The following ILKAP variants were observed in gnomAD, a reference collection of about 807,000 sequenced individuals.
ILKAP encodes the protein integrin-linked kinase-associated serine/threonine phosphatase 2C.
Under a neutral mutation model 49.1 loss-of-function variants are expected in ILKAP, and 11 were observed. The observed-to-expected ratio is 0.22, with a 90% CI of 0.14 to 0.37. ILKAP has a LOEUF of 0.37. Ranked by LOEUF, ILKAP falls within the 10% of genes least tolerant of loss-of-function variation. The pLI is 1.00. For missense variants in ILKAP, 363 were observed against 510.8 expected, an observed-to-expected ratio of 0.71 and a Z score of 2.79; for synonymous variants, 186 against 192.8, an observed-to-expected ratio of 0.96 and a Z score of 0.29.
intron 10 of ILKAP, 58 bp from the exon 11 acceptor site, chr2:238,171,082 A>T: frequency 8.7e-7 from 1 of 1,143,988 alleles, no homozygotes; most frequent in South Asian, 1.4e-5. Context: ...AATAAAAAAT[A>T]AAAAAAGGGC....
intron 9 of ILKAP, among the ~76,000 whole-genome samples, chr2:238,179,970 C>T (rs894340210): frequency 1.3e-5 from 2 of 151,972 alleles, no homozygotes; most frequent in Non-Finnish European, 2.9e-5. Flanking sequence ...GATCACTTAG[C>T]TCAGCCTGGA....
chr2:238,189,759 A>G, intron 4 of ILKAP, 94 bp downstream of exon 4: 1 of 1,205,204 alleles, frequency 8.3e-7, no homozygotes, highest in South Asian at 1.4e-5. Context: ...ACAGACATAA[A>G]AAGAAAGTAT....
intron 3 of ILKAP, among the ~76,000 whole-genome samples, chr2:238,192,148 A>G (rs1442217355): frequency 6.6e-6 from 1 of 151,418 alleles, no homozygotes; most frequent in Non-Finnish European, 1.5e-5. Context: ...TAGAGGTTGC[A>G]GTGAGCTGAG....
At chr2:238,186,359 C>G (rs902513845) in intron 5 of ILKAP, 5 of 152,182 alleles carry the variant, frequency 3.3e-5, no homozygotes, top group African/African-American at 1.2e-4. Context: ...CTGAACACGA[C>G]AGCTCACGCC....
At chr2:238,195,609 T>C (rs1694309331) in intron 1 of ILKAP, among the ~76,000 whole-genome samples, 1 of 152,224 alleles carries the variant, frequency 6.6e-6, no homozygotes. Context: ...TGAAATTCTG[T>C]TTAAGCTATT....
chr2:238,179,308 ACT>A, intron 9 of ILKAP, among the ~76,000 whole-genome samples: 1 of 152,316 alleles, frequency 6.6e-6, no homozygotes, highest in Admixed American at 6.5e-5. Flanking sequence ...AAAGGAAAAC[ACT>A]GATTTCCACA....
At chr2:238,177,147 G>C (rs1445009230) in intron 9 of ILKAP, among the ~76,000 whole-genome samples, 2 of 152,138 alleles carry the variant, frequency 1.3e-5, no homozygotes, top group Non-Finnish European at 2.9e-5. Flanking sequence ...ATGTAAGAAA[G>C]TAGAAAAAAA....
At chr2:238,175,511 G>A (rs529123989) in intron 9 of ILKAP, among the ~76,000 whole-genome samples, 1 of 152,322 alleles carries the variant, frequency 6.6e-6, no homozygotes, top group Non-Finnish European at 1.5e-5. Context: ...TAACGATGAG[G>A]CAAGCTGCCC....
chr2:238,202,752 C>T (rs1694621907), intron 1 of ILKAP, among the ~76,000 whole-genome samples: 1 of 152,138 alleles, frequency 6.6e-6, no homozygotes, highest in African/African-American at 2.4e-5. Context: ...CAGGGATTAA[C>T]ACAGGCCCTG....
At chr2:238,193,704 A>C (rs12617118) in intron 3 of ILKAP, among the ~76,000 whole-genome samples, 9,356 of 152,200 alleles carry the variant, frequency 0.061, 645 homozygotes, top group East Asian at 0.16. Context: ...CTGCATACGA[A>C]ATGGGATTAC....
intron 11 of ILKAP, 37 bp downstream of exon 11, chr2:238,170,906 A>G (rs1310551765): frequency 6.3e-7 from 1 of 1,578,468 alleles, no homozygotes; most frequent in Non-Finnish European, 8.7e-7. Flanking sequence ...CTAAGACACA[A>G]TTGGGACAAC....
intron 3 of ILKAP, among the ~76,000 whole-genome samples, 175 bp downstream of exon 3, chr2:238,194,100 A>T (rs546147816): frequency 2.6e-5 from 4 of 152,382 alleles, no homozygotes; most frequent in Admixed American, 6.5e-5. Context: ...AAAGTGATAC[A>T]GTATTATCTT....
intron 3 of ILKAP, among the ~76,000 whole-genome samples, chr2:238,192,237 GA>G (rs985634558): frequency 6.6e-6 from 1 of 151,210 alleles, no homozygotes; most frequent in Non-Finnish European, 1.5e-5. Context: ...AAGAAAAAAA[GA>G]AAAATAATAA....
chr2:238,184,952 C>T (rs576452181), intron 6 of ILKAP, among the ~76,000 whole-genome samples: 106 of 152,212 alleles, frequency 7.0e-4, no homozygotes, highest in African/African-American at 6.7e-4. Flanking sequence ...AACCCAAAGA[C>T]GATTGACAAA....
intron 9 of ILKAP, among the ~76,000 whole-genome samples, chr2:238,174,791 G>A (rs983579586): frequency 2.6e-5 from 4 of 152,210 alleles, no homozygotes; most frequent in Admixed American, 2.6e-4. Context: ...AAGAGCTGAG[G>A]ACTGAAGATG....
chr2:238,194,970 T>A, intron 1 of ILKAP, 100 bp from the exon 2 acceptor site: 1 of 897,822 alleles, frequency 1.1e-6, no homozygotes, highest in Non-Finnish European at 1.8e-6. Flanking sequence ...GACACAAGTT[T>A]GCTATTAGAT....
chr2:238,181,628 T>G (rs570400684), intron 9 of ILKAP, among the ~76,000 whole-genome samples: 4,822 of 149,834 alleles, frequency 0.032, 263 homozygotes, highest in African/African-American at 0.11. Flanking sequence ...TTTTTTGGTT[T>G]TTTTTTTTTT....
intron 3 of ILKAP, 52 bp downstream of exon 3, chr2:238,194,223 A>G: frequency 6.7e-7 from 1 of 1,485,206 alleles, no homozygotes; most frequent in Admixed American, 1.7e-5. Context: ...ACATAAGAGT[A>G]AAATACTATG....
At chr2:238,176,134 G>GTTTTTT (rs1664405052) in intron 9 of ILKAP, among the ~76,000 whole-genome samples, 2 of 33,920 alleles carry the variant, frequency 5.9e-5, no homozygotes, top group Non-Finnish European at 1.0e-4. Context: ...GCAAGTAGTG[G>GTTTTTT]CTTTTTTTTT....
Sources: allele counts gnomAD v4.1 joint callset (sites outside exome capture counted in the v4.1 genomes callset), GRCh38; gene constraint gnomAD v4.1.1; transcripts MANE v1.5; gene names NCBI Gene and HGNC (gene_info 2026-07-23, HGNC 2026-07-21).